BTK: variants seen among roughly 807,000 people sequenced by gnomAD.
BTK encodes tyrosine-protein kinase BTK.
Under a neutral mutation model 57.4 loss-of-function variants are expected in BTK, and 5 were observed. The ratio of observed to expected loss-of-function variants is 0.09; its 90% CI spans 0.05 to 0.18. The LOEUF (loss-of-function observed/expected upper bound fraction) is 0.18. BTK is among the 10% of genes least tolerant of loss of function. The probability of loss-of-function intolerance (pLI) is 1.00; values close to 1 mark genes in which losing one functional copy is unlikely to be tolerated. For synonymous variants in BTK, 154 were observed against 174.3 expected (o/e 0.88, Z 0.92); for missense variants, 194 against 501.2 (o/e 0.39, Z 5.85).
intron 18 of BTK, 104 bp downstream of exon 18, chrX:101,353,090 A>G (rs1603001547): frequency 5.0e-6 from 4 of 805,714 alleles, no homozygotes; most frequent in Non-Finnish European, 7.2e-6. Flanking sequence ...AAAAAAGGAA[A>G]AAAAAGAATG....
At position 101,378,083 on chromosome X, in the gene BTK, AT is replaced by A. The variant is rs536846518; in HGVS notation, c.-30-2770del. The A allele has an allele frequency of 2.9e-3, 265 of 90,088 alleles. 1 individual carries two copies. Among genetic ancestry groups the A allele is most frequent in the East Asian group, 9.4e-3 (27 of 2,872 alleles). The allele number at this position is 90,088 out of a possible 1,213,427, so 7.4% of individuals were successfully genotyped here. Reference sequence around the variant, plus strand: ...GTGGGTACTTATTGTGAAAGGCCCCATTTTTTTTTTTTTTTTTTGAGACGGA... The same window carrying A: ...GTGGGTACTTATTGTGAAAGGCCCCATTTTTTTTTTTTTTTTTGAGACGGA... On this transcript the variant is annotated intron_variant, in intron 1 of 18. Coordinates refer to ENST00000308731, the MANE Select transcript of BTK (RefSeq NM_000061.3).
chrX:101,383,707 T>C (rs1254937577), intron 1 of BTK, among the ~76,000 whole-genome samples: 1 of 111,708 alleles, frequency 9.0e-6, no homozygotes, highest in Non-Finnish European at 1.9e-5. Flanking sequence ...GAGCTTCTCC[T>C]TGAGATTCAA....
chrX:101,383,743 C>G lies in BTK; in HGVS notation c.-31+2319G>C, dbSNP rs142307726. ...ATAACCAATATAATCCTAAAGACAT[C>G]TTGTGAGAACTTTCTAAGAGCGGAG... On this transcript the variant is annotated intron_variant, in intron 1 of 18. Coordinates refer to ENST00000308731, the MANE Select transcript of BTK (RefSeq NM_000061.3). 1.4e-3 allele frequency among the ~76,000 whole-genome samples: 152 copies of G among 111,602 alleles called. 1 individual carries two copies. The South Asian group carries it at 0.018, about 13-fold the overall frequency.
intron 5 of BTK, among the ~76,000 whole-genome samples, chrX:101,368,410 C>T (rs1246824753): frequency 8.9e-6 from 1 of 111,742 alleles, no homozygotes; most frequent in Non-Finnish European, 1.9e-5. Context: ...ACTTGGAAAC[C>T]AAGCAGCGCA....
intron 5 of BTK, among the ~76,000 whole-genome samples, chrX:101,367,793 G>GAAA (rs1555979712): frequency 1.8e-5 from 2 of 111,500 alleles, no homozygotes; most frequent in African/African-American, 6.5e-5. Flanking sequence ...CAGCTAGTCT[G>GAAA]CCTTGCATTC....
chrX:101,357,432 A>T (rs1926518925), intron 13 of BTK, 77 bp downstream of exon 13: 1 of 920,532 alleles, frequency 1.1e-6, no homozygotes, highest in African/African-American at 1.9e-5. Flanking sequence ...CCTCAAGGAC[A>T]CTCCCTAAGG....
At chrX:101,375,507 G>C (rs781937811) in intron 1 of BTK, among the ~76,000 whole-genome samples, 193 bp from the exon 2 acceptor site, 2 of 111,967 alleles carry the variant, frequency 1.8e-5, no homozygotes, top group Non-Finnish European at 3.8e-5. Context: ...CACTGAATTG[G>C]GGGGGGATTG....
chrX:101,361,091 A>T (rs1264655852), intron 7 of BTK, among the ~76,000 whole-genome samples: 1 of 110,392 alleles, frequency 9.1e-6, no homozygotes, highest in African/African-American at 3.3e-5. Context: ...TAGTGTGTGC[A>T]TATAGCCCCA....
At chrX:101,365,186 T>C (rs1167799624) in intron 5 of BTK, among the ~76,000 whole-genome samples, 1 of 111,722 alleles carries the variant, frequency 9.0e-6, no homozygotes, top group Non-Finnish European at 1.9e-5. Flanking sequence ...ATCCACACTC[T>C]GGCCCCTCCC....
At chrX:101,378,528 GACACACACACACACAC>G (rs72139259) in intron 1 of BTK, among the ~76,000 whole-genome samples, 1 of 95,365 alleles carries the variant, frequency 1.0e-5, no homozygotes, top group African/African-American at 3.9e-5. Context: ...CAAACATACA[GACACACACACACACAC>G]ACACACACAC....
rs141488935 is a variant in BTK at position 101,375,185 on chromosome X, C to T, written c.100G>A (p.Val34Met). 3.3e-5 allele frequency: 40 copies of T among 1,211,476 alleles called. No individual in the cohort carries two copies. The Middle Eastern group carries it at 6.9e-4, about 21-fold the overall frequency. The change falls in exon 2 of 19, where the codon GTG becomes ATG. Residue 34 changes from valine (V) to methionine (M), a missense_variant. Val to Met is a conservative substitution (Grantham distance 21). Around this residue, in one of 3 missense-constraint regions of BTK, gnomAD observed 115 missense variants for 258.3 expected, o/e 0.45. Transcript: ENST00000308731. ...NFKKRLFLLT[V>M]HKLSYYEYDF... ...TACTCATAGTAGGAGAGTTTGTGCA[C>T]GGTCAAGAGAAACAGGCGCTTCTTG... is the stretch of plus-strand genomic sequence containing the variant.
chrX:101,371,728 A>G (rs782817481), intron 3 of BTK, 27 bp from the exon 4 acceptor site: 3 of 1,129,058 alleles, frequency 2.7e-6, no homozygotes, highest in African/African-American at 3.6e-5. Flanking sequence ...AAAAATGGTT[A>G]TTGGTTGATG....
intron 18 of BTK, among the ~76,000 whole-genome samples, chrX:101,351,408 A>T (rs187111462): frequency 9.2e-4 from 103 of 111,740 alleles, no homozygotes; most frequent in African/African-American, 2.9e-3. Context: ...TAATTAGCAG[A>T]GTAAGAAGGT....
chrX:101,354,131 C>T (rs1926388445), intron 16 of BTK, 143 bp from the exon 17 acceptor site: 1 of 506,891 alleles, frequency 2.0e-6, no homozygotes, highest in Non-Finnish European at 3.5e-6. Flanking sequence ...CTTCTACAAA[C>T]GTTACTTTTA....
intron 9 of BTK, 98 bp from the exon 10 acceptor site, chrX:101,359,445 C>T (rs1447406635): frequency 1.4e-5 from 11 of 810,525 alleles, no homozygotes; most frequent in Non-Finnish European, 1.9e-5. Context: ...ATTCAGTCAA[C>T]TCACTCAAAC....
upstream of BTK, among the ~76,000 whole-genome samples, chrX:101,388,173 T>C (rs1927681879): frequency 8.9e-6 from 1 of 111,841 alleles, no homozygotes; most frequent in Non-Finnish European, 1.9e-5. Flanking sequence ...GGCTCTTTTC[T>C]TCAGTCTTAT....
chrX:101,374,186 T>C, intron 3 of BTK: 1 of 230,154 alleles, frequency 4.3e-6, no homozygotes, highest in Non-Finnish European at 7.9e-6. Context: ...AAGGATATCA[T>C]GTGACTCAGA....
Position 101,385,487 on chromosome X carries a change from T to C in BTK, c.-31+575A>G, listed in dbSNP as rs1264083859. Among the ~76,000 whole-genome samples, 12 of 112,040 alleles carry C rather than the reference T, an allele frequency of 1.1e-4. No homozygotes were observed. The East Asian group carries it at 3.4e-3, about 32-fold the overall frequency. On this transcript the variant is annotated intron_variant, in intron 1 of 18. Coordinates refer to ENST00000308731, the MANE Select transcript of BTK (RefSeq NM_000061.3). ...CGAGGTTGGCACAGCTTCCACACAG[T>C]CCTTTAATAAGCCAGCTCTGACCCT...
At chrX:101,359,644 A>C (rs1215728574) in intron 9 of BTK, among the ~76,000 whole-genome samples, 3 of 110,519 alleles carry the variant, frequency 2.7e-5, no homozygotes, top group African/African-American at 9.9e-5. Context: ...AAAGGACAAC[A>C]GTAGCAGTTT....
Sources: gnomAD v4.1 joint callset for allele counts (sites outside exome capture counted in the v4.1 genomes callset) on GRCh38, gnomAD v4.1.1 for gene constraint, gnomAD v4.1.1 regional missense constraint, MANE v1.5 for transcripts, NCBI Gene and HGNC (gene_info 2026-07-23, HGNC 2026-07-21) for gene names.